SRM: variants seen among roughly 807,000 people sequenced by gnomAD.
The protein encoded by SRM is putrescine aminopropyltransferase.
In SRM, 14 loss-of-function variants were observed where a neutral mutation model predicts 39.3. The observed-to-expected ratio is 0.36, with a 90% CI of 0.24 to 0.56. SRM has a LOEUF of 0.56. Among genes scored for constraint, SRM ranks in the 20% least tolerant of loss-of-function variants. The pLI, the probability that SRM is intolerant of heterozygous loss-of-function variation, is 0.86. For missense variants in SRM, 244 were observed against 409.2 expected (o/e 0.60, Z 3.48); for synonymous variants, 195 against 173.1 (o/e 1.13, Z -0.99).
intron 3 of SRM, among the ~76,000 whole-genome samples, chr1:11,058,243 C>T (rs1570768112): frequency 6.6e-6 from 1 of 152,108 alleles, no homozygotes; most frequent in Non-Finnish European, 1.5e-5. Flanking sequence ...TGTCTTGGGG[C>T]CCTGCCTGGG....
At position 11,056,081 on chromosome 1, in the gene SRM, A is replaced by G. The variant is rs750703537; in HGVS notation, c.549T>C (p.Ser183=). The G allele has an allele frequency of 6.2e-7, 1 of 1,612,034 alleles. No homozygotes were observed. The highest frequency in any genetic ancestry group is 8.5e-7 in the Non-Finnish European group (1 of 1,179,028). The change falls in exon 5 of 8, where the codon AGT becomes AGC. Residue 183 remains serine, a synonymous_variant. Transcript: ENST00000376957. The part of the protein sequence containing the change: ...DSSDPMGPAE[S]LFKESYYQLM... ...GCTGGTAATAGGACTCCTTGAAGAG[A>G]CTTTCGGCGGGGCCTGGGGAAGACA...
In SRM at chr1:11,055,064, C is replaced by G; in HGVS notation, c.786G>C (p.Pro262=). The change falls in exon 7 of 8, where the codon CCG becomes CCC. Residue 262 remains proline (P), a synonymous_variant. Coordinates refer to ENST00000376957, the MANE Select transcript of SRM (RefSeq NM_003132.3). ...SKNPSTNFQE[P]VQPLTQQQVA... ...CCTGCTGCTGTGTCAGCGGCTGCAC[C>G]GGCTCCTGGAAGTTCGTGCTCTGGG... The G allele has an allele frequency of 2.5e-6, 4 of 1,610,698 alleles. No individual in the cohort carries two copies. Among genetic ancestry groups the G allele is most frequent in the Non-Finnish European group, 1.7e-6 (2 of 1,178,782 alleles).
At chr1:11,055,959 GCCTGCCCT>G in intron 5 of SRM, 33 bp from the exon 6 acceptor site, 1 of 1,588,776 alleles carries the variant, frequency 6.3e-7, no homozygotes, top group Non-Finnish European at 8.6e-7. Flanking sequence ...ATCCGGCAGG[GCCTGCCCT>G]GCCCCACCCC....
At chr1:11,059,391 G>A in intron 1 of SRM, 46 bp from the exon 2 acceptor site, 4 of 1,605,426 alleles carry the variant, frequency 2.5e-6, no homozygotes, top group Non-Finnish European at 3.4e-6. Flanking sequence ...CTGGGGTGGG[G>A]AAAACGTACC....
chr1:11,056,537 G>A (rs1478620146), intron 4 of SRM, 67 bp downstream of exon 4: 1 of 1,595,006 alleles, frequency 6.3e-7, no homozygotes, highest in Non-Finnish European at 8.6e-7. Flanking sequence ...TTACTCTGAA[G>A]GCCTGGGGGA....
chr1:11,055,449 C>G (rs1638856686), intron 6 of SRM, among the ~76,000 whole-genome samples: 1 of 148,880 alleles, frequency 6.7e-6, no homozygotes, highest in Admixed American at 6.7e-5. Flanking sequence ...GAATCTTCCT[C>G]TGTTACCCAG....
At chr1:11,055,120 CTT>C (rs376653450) in intron 6 of SRM, 36 bp from the exon 7 acceptor site, 17,593 of 1,377,476 alleles carry the variant, frequency 0.013, 52 homozygotes, top group African/African-American at 0.061. Flanking sequence ...AGGGGGGGCA[CTT>C]TTTTTTTTTT....
intron 4 of SRM, among the ~76,000 whole-genome samples, chr1:11,056,342 T>G (rs1638877449): frequency 6.6e-6 from 1 of 152,132 alleles, no homozygotes; most frequent in Non-Finnish European, 1.5e-5. Context: ...GAGGGGAGGC[T>G]GAAGAGGACA....
chr1:11,056,881 T>G lies in SRM; in HGVS notation c.382-124A>C. On this transcript the variant is annotated intron_variant, in intron 3 of 7. Transcript: ENST00000376957. The stretch of plus-strand genomic sequence containing the variant: ...CCTTGGCCAACCCCTTCCCTTTTTT[T>G]TATTATTTTTTTTTGAGACAGGGTC... 5 of 958,618 alleles carry G rather than the reference T, an allele frequency of 5.2e-6. 1 individual carries two copies. Among genetic ancestry groups the G allele is most frequent in the South Asian group, 5.1e-5 (3 of 59,286 alleles). The allele number at this position is 958,618 out of a possible 1,614,324, so 59.4% of individuals were successfully genotyped here.
In SRM at chr1:11,056,768, T is replaced by G; in HGVS notation, c.382-11A>C. ...GACTTGGATGACATCCTGGAGGGGATGGGAGGGACCAGTCTGGGCCAAGGG... is the reference window on the plus strand; with the variant it reads ...GACTTGGATGACATCCTGGAGGGGAGGGGAGGGACCAGTCTGGGCCAAGGG... On this transcript the variant is annotated splice_polypyrimidine_tract_variant and intron_variant, in intron 3 of 7. Coordinates refer to ENST00000376957, the MANE Select transcript of SRM (RefSeq NM_003132.3). The G allele has an allele frequency of 6.2e-7, 1 of 1,613,990 alleles. No individual in the cohort carries two copies. Among genetic ancestry groups the G allele is most frequent in the Non-Finnish European group, 8.5e-7 (1 of 1,179,948 alleles).
intron 2 of SRM, 40 bp from the exon 3 acceptor site, chr1:11,058,932 A>T: frequency 1.3e-6 from 2 of 1,556,232 alleles, no homozygotes; most frequent in South Asian, 1.2e-5. Flanking sequence ...CCCTGGCAGG[A>T]CTGGGAGCCC....
At position 11,055,774 on chromosome 1, in the gene SRM, A is replaced by G. The variant is rs541762636; in HGVS notation, c.765+7T>C. On this transcript the variant is annotated splice_region_variant and intron_variant, in intron 6 of 7. Transcript: ENST00000376957. ...CCAACCCCCACCCCCAGACACCCCC[A>G]TCTCACCGGGTTCTTGCTGCACAGC... 1.1e-5 allele frequency: 10 copies of G among 888,192 alleles called. No individual in the cohort carries two copies. The highest frequency in any genetic ancestry group is 1.8e-5 in the African/African-American group (1 of 55,986). 55.0% of individuals were successfully genotyped at this position (888,192 alleles called of 1,614,324 possible).
chr1:11,056,971 G>A (rs1386795813), intron 3 of SRM, among the ~76,000 whole-genome samples: 2 of 151,914 alleles, frequency 1.3e-5, no homozygotes, highest in East Asian at 1.9e-4. Flanking sequence ...CTCGGCCTCC[G>A]GGGCTCAGGT....
chr1:11,059,788 G>C lies in SRM; in HGVS notation c.156C>G (p.Leu52=), dbSNP rs1032211926. 6.3e-7 allele frequency: 1 copy of C among 1,580,086 alleles called. No individual in the cohort carries two copies. The highest frequency in any genetic ancestry group is 8.5e-7 in the Non-Finnish European group (1 of 1,172,634). Residue 52 remains leucine, a synonymous_variant, in exon 1 of 8, where the codon CTC becomes CTG. Coordinates refer to ENST00000376957, the MANE Select transcript of SRM (RefSeq NM_003132.3). ...GGCAGCGGCGGTACCTGCGGAAGAC[G>C]AGGATGTCCTGGTAGCGCGAGCGCC... ...HHRRSRYQDI[L]VFRSKTYGNV...
chr1:11,055,796 C>G lies in SRM; in HGVS notation c.750G>C (p.Leu250=), dbSNP rs1349240185. The change falls in exon 6 of 8, where the codon CTG becomes CTC. Residue 250 remains leucine (L), a synonymous_variant. Coordinates refer to ENST00000376957, the MANE Select transcript of SRM (RefSeq NM_003132.3). ...CCCATCTCACCGGGTTCTTGCTGCA[C>G]AGCATGAAGCCGATCTGGCCGCTGG... ...TYPSGQIGFM[L]CSKNPSTNFQ... is the part of the protein sequence containing the mutation. The G allele has an allele frequency of 1.9e-6, 3 of 1,558,504 alleles. No homozygotes were observed.
intron 3 of SRM, 39 bp downstream of exon 3, chr1:11,058,761 A>G (rs1638923819): frequency 6.5e-7 from 1 of 1,549,592 alleles, no homozygotes; most frequent in Non-Finnish European, 8.7e-7. Context: ...GGCCGCTGGG[A>G]GAACCAGGAC....
intron 6 of SRM, 28 bp downstream of exon 6, chr1:11,055,753 C>CCCCCCCCCCCCACACCCCCCAAA: frequency 8.3e-7 from 1 of 1,205,834 alleles, no homozygotes; most frequent in Non-Finnish European, 1.2e-6. Context: ...TTCCCCCCAA[C>CCCCCCCCCCCCACACCCCCCAAA]CCCCACCCCC....
Position 11,054,992 on chromosome 1 carries a change from G to T in SRM, c.858C>A (p.Ala286=), listed in dbSNP as rs143776030. ...GGGCAAACTCGGGCAGCACAAAGGC[G>T]GCGCGGTGCACGTCGGAGTTGTAGT... ...LKYYNSDVHR[A]AFVLPEFARK... is the part of the protein sequence containing the mutation. The change falls in exon 7 of 8, where the codon GCC becomes GCA. Residue 286 remains alanine (A), a synonymous_variant. Coordinates refer to ENST00000376957, the MANE Select transcript of SRM (RefSeq NM_003132.3). The surrounding 1 kb of genome is among the most constrained non-coding windows in gnomAD (Gnocchi z 4.8). The T allele has an allele frequency of 6.2e-7, 1 of 1,612,646 alleles. No homozygotes were observed. The highest frequency in any genetic ancestry group is 1.7e-5 in the Admixed American group (1 of 59,986).
At chr1:11,056,560 G>C in intron 4 of SRM, 44 bp downstream of exon 4, 1 of 1,610,560 alleles carries the variant, frequency 6.2e-7, no homozygotes, top group Non-Finnish European at 8.5e-7. Flanking sequence ...CTGACCTCCA[G>C]ACCTGCAGCT....
Sources: gnomAD v4.1 joint callset for allele counts (sites outside exome capture counted in the v4.1 genomes callset) on GRCh38, gnomAD v4.1.1 for gene constraint, Gnocchi (gnomAD v3.1) non-coding constraint, MANE v1.5 for transcripts, NCBI Gene and HGNC (gene_info 2026-07-23, HGNC 2026-07-21) for gene names.